Variants in ATAD2B observed in about 807,000 individuals in gnomAD.
The protein encoded by ATAD2B is ATPase family AAA domain-containing protein 2B.
A neutral mutation model predicts 167.6 loss-of-function variants in ATAD2B; 40 were observed. The observed-to-expected ratio is 0.24, with a 90% confidence interval of 0.19 to 0.31. The LOEUF is 0.31. Among genes scored for constraint, ATAD2B ranks in the 10% least tolerant of loss-of-function variants. The pLI, the probability that ATAD2B is intolerant of heterozygous loss-of-function variation, is 1.00. For synonymous variants in ATAD2B, 579 were observed against 596.5 expected (o/e 0.97, Z 0.43); for missense variants, 1,242 against 1,757.2 (o/e 0.71, Z 5.24).
intron 21 of ATAD2B, among the ~76,000 whole-genome samples, 181 bp from the exon 22 acceptor site, chr2:23,783,209 G>A (rs1680316427): frequency 6.6e-6 from 1 of 151,030 alleles, no homozygotes; most frequent in Non-Finnish European, 1.5e-5. Context: ...TACTTTCCAT[G>A]AAAGCTTCAG....
chr2:23,783,320 G>A (rs1202190003), intron 21 of ATAD2B, among the ~76,000 whole-genome samples: 4 of 148,438 alleles, frequency 2.7e-5, no homozygotes, highest in South Asian at 2.1e-4. Flanking sequence ...GGGCATATCC[G>A]GGAAGATAAT....
At chr2:23,727,464 G>T in the ATAD2B span, among the ~76,000 whole-genome samples, 62 of 152,308 alleles carry the variant, frequency 4.1e-4, no homozygotes, top group South Asian at 1.5e-3. Flanking sequence ...CTGTTGGTGA[G>T]AATGCAAAAT....
intron 18 of ATAD2B, among the ~76,000 whole-genome samples, chr2:23,804,325 G>C (rs1038346196): frequency 2.0e-5 from 3 of 152,080 alleles, no homozygotes; most frequent in Non-Finnish European, 4.4e-5. Flanking sequence ...CTGGTCTCTG[G>C]CCAGTGTTCA....
chr2:23,713,075 A>G, the ATAD2B span, among the ~76,000 whole-genome samples: 1 of 152,272 alleles, frequency 6.6e-6, no homozygotes, highest in African/African-American at 2.4e-5. Flanking sequence ...AGATGACTGA[A>G]GAAGTATTAG....
At chr2:23,737,061 G>A in the ATAD2B span, among the ~76,000 whole-genome samples, 1 of 152,224 alleles carries the variant, frequency 6.6e-6, no homozygotes, top group Non-Finnish European at 1.5e-5. Flanking sequence ...AGCTCGAACT[G>A]GATGGAGCCC....
At chr2:23,724,915 C>T in the ATAD2B span, among the ~76,000 whole-genome samples, 1 of 151,726 alleles carries the variant, frequency 6.6e-6, no homozygotes, top group Non-Finnish European at 1.5e-5. Flanking sequence ...TGGTGGCAGG[C>T]GCCTGTAGTC....
intron 18 of ATAD2B, among the ~76,000 whole-genome samples, chr2:23,807,599 G>A (rs979376311): frequency 1.3e-5 from 2 of 151,798 alleles, no homozygotes; most frequent in Non-Finnish European, 2.9e-5. Context: ...GGCAGATCAC[G>A]AAGTCAGGAG....
chr2:23,725,721 AGAG>A, the ATAD2B span, among the ~76,000 whole-genome samples: 1 of 152,228 alleles, frequency 6.6e-6, no homozygotes, highest in Non-Finnish European at 1.5e-5. Context: ...AATAAGAAAC[AGAG>A]GAGACAAACA....
the ATAD2B span, chr2:23,706,786 C>A: frequency 1.6e-6 from 1 of 643,102 alleles, no homozygotes; most frequent in Non-Finnish European, 2.5e-6. Context: ...ACTCACTGCG[C>A]TCAACATGTT....
At chr2:23,710,272 A>G in the ATAD2B span, among the ~76,000 whole-genome samples, 1 of 151,664 alleles carries the variant, frequency 6.6e-6, no homozygotes, top group Non-Finnish European at 1.5e-5. Context: ...TAGGTCTTAA[A>G]CAGACCTAAC....
intron 1 of ATAD2B, among the ~76,000 whole-genome samples, chr2:23,925,887 T>C (rs377140534): frequency 6.6e-6 from 1 of 152,174 alleles, no homozygotes. Flanking sequence ...GTGCTCCTTC[T>C]GTGACCTGAA....
intron 22 of ATAD2B, among the ~76,000 whole-genome samples, chr2:23,781,821 T>C (rs375592473): frequency 2.2e-4 from 33 of 152,138 alleles, no homozygotes; most frequent in Admixed American, 9.2e-4. Flanking sequence ...TTTCCTTTCC[T>C]TTTTATTTTG....
intron 7 of ATAD2B, among the ~76,000 whole-genome samples, chr2:23,879,605 G>A (rs569872079): frequency 1.3e-5 from 2 of 152,136 alleles, no homozygotes; most frequent in African/African-American, 2.4e-5. Flanking sequence ...ACAACATAGT[G>A]AGATCCCTTC....
intron 7 of ATAD2B, among the ~76,000 whole-genome samples, chr2:23,877,777 T>C (rs1697131094): frequency 6.7e-6 from 1 of 149,068 alleles, no homozygotes; most frequent in Non-Finnish European, 1.5e-5. Context: ...GGAGAATCAC[T>C]TGAACCAGGG....
At chr2:23,687,494 C>T in the ATAD2B span, among the ~76,000 whole-genome samples, 17 of 152,344 alleles carry the variant, frequency 1.1e-4, 1 homozygote, top group South Asian at 3.3e-3. Flanking sequence ...CTCACTGGCT[C>T]GTCACTCAGC....
Position 23,880,627 on chromosome 2 carries a change from A to C in ATAD2B, c.901+12T>G. The C allele has an allele frequency of 3.4e-6, 5 of 1,469,682 alleles. No individual in the cohort carries two copies. The highest frequency in any genetic ancestry group is 4.7e-6 in the Non-Finnish European group (5 of 1,068,850). The allele number at this position is 1,469,682 out of a possible 1,614,324, so 91.0% of individuals were successfully genotyped here. On this transcript the variant is annotated intron_variant, in intron 7 of 27. Coordinates refer to ENST00000238789, the MANE Select transcript of ATAD2B (RefSeq NM_017552.4). ...ACTACCAGAAAGAAAAAAGTTATTT[A>C]GAGTTGCCTACCTATTGGAGGTGCT...
intron 1 of ATAD2B, among the ~76,000 whole-genome samples, chr2:23,909,126 T>TATA (rs1209358853): frequency 4.4e-5 from 6 of 135,704 alleles, no homozygotes; most frequent in Non-Finnish European, 9.5e-5. Context: ...AAACTTAAAG[T>TATA]ATAATAATAA....
At chr2:23,716,562 A>G in the ATAD2B span, among the ~76,000 whole-genome samples, 1 of 152,140 alleles carries the variant, frequency 6.6e-6, no homozygotes, top group Admixed American at 6.6e-5. Context: ...CTTTAGTTTC[A>G]TTAGAGACAT....
intron 18 of ATAD2B, among the ~76,000 whole-genome samples, chr2:23,801,084 CTA>C (rs1475720790): frequency 6.6e-6 from 1 of 152,046 alleles, no homozygotes; most frequent in Non-Finnish European, 1.5e-5. Context: ...ATTCCTTATT[CTA>C]TGTTATCTCA....
Sources: allele counts gnomAD v4.1 joint callset (sites outside exome capture counted in the v4.1 genomes callset), GRCh38; gene constraint gnomAD v4.1.1; transcripts MANE v1.5; gene names NCBI Gene and HGNC (gene_info 2026-07-23, HGNC 2026-07-21).